STXBP5L: variants seen among roughly 807,000 people sequenced by gnomAD.
The protein encoded by STXBP5L is syntaxin binding protein 5L, also known as syntaxin-binding protein 5-like.
In STXBP5L, 65 loss-of-function variants were observed where a neutral mutation model predicts 144.5. The ratio of observed to expected loss-of-function variants is 0.45; its 90% CI spans 0.37 to 0.55. The LOEUF (loss-of-function observed/expected upper bound fraction) is 0.55. Among genes scored for constraint, STXBP5L ranks in the 20% least tolerant of loss-of-function variants. The pLI is 0.00. For missense variants in STXBP5L, 1,298 were observed against 1,405.5 expected (o/e 0.92, Z 1.22); for synonymous variants, 505 against 469.6 (o/e 1.08, Z -0.97).
chr3:121,412,967 A>G (rs2047152595), intron 23 of STXBP5L, among the ~76,000 whole-genome samples, 191 bp from the exon 24 acceptor site: 1 of 151,942 alleles, frequency 6.6e-6, no homozygotes, highest in Non-Finnish European at 1.5e-5. Context: ...CTGGAAGGCA[A>G]GATTGCAGTG....
At chr3:121,244,058 A>T (rs149435666) in intron 14 of STXBP5L, among the ~76,000 whole-genome samples, 82 of 152,198 alleles carry the variant, frequency 5.4e-4, no homozygotes, top group African/African-American at 1.9e-3. Flanking sequence ...TTTATTCTAA[A>T]TGGGAAAAGG....
intron 3 of STXBP5L, among the ~76,000 whole-genome samples, chr3:121,015,588 C>A (rs74697069): frequency 0.12 from 18,261 of 152,094 alleles, 1,152 homozygotes; most frequent in Non-Finnish European, 0.14. Context: ...TTCGGGAACC[C>A]CCAATACTTT....
chr3:121,172,830 G>C lies in STXBP5L; in HGVS notation c.877+15203G>C, dbSNP rs113305606. Among the ~76,000 whole-genome samples, 8 of 152,142 alleles carry C rather than the reference G, an allele frequency of 5.3e-5. No individual in the cohort carries two copies. In the East Asian group the frequency reaches 1.3e-3, roughly 26 times the overall value. ...TTTAACTCAGCTATCCCATTACTGG[G>C]TGTATACCCAAAGGATTTTAAATCA... On this transcript the variant is annotated intron_variant, in intron 9 of 26. Transcript: ENST00000471454.
intron 2 of STXBP5L, among the ~76,000 whole-genome samples, chr3:120,935,776 C>A (rs1036697110): frequency 1.3e-5 from 2 of 149,070 alleles, no homozygotes; most frequent in Non-Finnish European, 3.0e-5. Flanking sequence ...TTTAGTTTTT[C>A]TGCGTTTTTT....
chr3:121,245,906 A>G (rs2049835380), intron 14 of STXBP5L, among the ~76,000 whole-genome samples: 1 of 152,260 alleles, frequency 6.6e-6, no homozygotes. Context: ...AGAAGGAAAC[A>G]GGGTATTTGA....
At chr3:121,047,331 C>T (rs1166429695) in intron 5 of STXBP5L, among the ~76,000 whole-genome samples, 4 of 151,760 alleles carry the variant, frequency 2.6e-5, no homozygotes, top group Non-Finnish European at 5.9e-5. Flanking sequence ...TATTCTGTTC[C>T]TTTTGGGTAG....
chr3:120,983,514 G>A (rs747094011), intron 3 of STXBP5L, among the ~76,000 whole-genome samples: 1 of 152,160 alleles, frequency 6.6e-6, no homozygotes, highest in Non-Finnish European at 1.5e-5. Context: ...TCTGGGGGTT[G>A]GGCTCTCAGA....
intron 24 of STXBP5L, among the ~76,000 whole-genome samples, chr3:121,415,304 A>G (rs1382832504): frequency 6.6e-6 from 1 of 152,210 alleles, no homozygotes; most frequent in African/African-American, 2.4e-5. Context: ...TCTAACAAGC[A>G]TTTCTCTAGT....
At chr3:121,010,590 A>G (rs1944699428) in intron 3 of STXBP5L, among the ~76,000 whole-genome samples, 1 of 151,704 alleles carries the variant, frequency 6.6e-6, no homozygotes, top group Non-Finnish European at 1.5e-5. Context: ...CTGATCTGCC[A>G]CACCGTCAAA....
chr3:121,175,990 A>G lies in STXBP5L; in HGVS notation c.877+18363A>G, dbSNP rs187919987. On this transcript the variant is annotated intron_variant, in intron 9 of 26. Transcript: ENST00000471454. ...GGCATAACCCAATAATAAAATAATA[A>G]TAAAGGCATTTCTCAAGAAGACATA... Among the ~76,000 whole-genome samples the G allele has an allele frequency of 1.5e-3, 232 of 152,200 alleles. 4 individuals are homozygous for G. The highest frequency in any genetic ancestry group is 0.011 in the Admixed American group (173 of 15,274).
chr3:121,341,482 C>A (rs2044709675), intron 20 of STXBP5L, among the ~76,000 whole-genome samples: 1 of 151,986 alleles, frequency 6.6e-6, no homozygotes, highest in African/African-American at 2.4e-5. Context: ...ACTAAAAATG[C>A]AGCTACCATA....
intron 19 of STXBP5L, among the ~76,000 whole-genome samples, chr3:121,306,068 TTCCTGAGTGGA>T (rs1469466215): frequency 1.3e-5 from 2 of 152,210 alleles, no homozygotes. Context: ...CATAGACTTA[TTCCTGAGTGGA>T]AGAGCATAAT....
rs539190478 is a variant in STXBP5L, at chr3:121,054,351, A to T, written c.470+8816A>T. Among the ~76,000 whole-genome samples, 432 of 152,230 alleles carry T rather than the reference A, an allele frequency of 2.8e-3. 1 individual carries two copies. Among genetic ancestry groups the T allele is most frequent in the Non-Finnish European group, 4.5e-3 (308 of 68,000 alleles). Reference sequence around the variant, plus strand: ...GACTTGGAACCAACCCAAATGTCCAACAACGATAGACTGGATGAAGAAAAT... The same window carrying T: ...GACTTGGAACCAACCCAAATGTCCATCAACGATAGACTGGATGAAGAAAAT... On this transcript the variant is annotated intron_variant, in intron 5 of 26. Coordinates refer to ENST00000471454, the MANE Select transcript of STXBP5L (RefSeq NM_001308330.2).
At chr3:121,371,109 C>A (rs573113618) in intron 20 of STXBP5L, among the ~76,000 whole-genome samples, 2 of 152,274 alleles carry the variant, frequency 1.3e-5, no homozygotes, top group African/African-American at 4.8e-5. Flanking sequence ...GGAGTTCTTG[C>A]AGTAGTTCTT....
intron 3 of STXBP5L, among the ~76,000 whole-genome samples, chr3:121,021,372 G>A (rs547865462): frequency 2.6e-5 from 4 of 152,124 alleles, no homozygotes; most frequent in South Asian, 4.1e-4. Context: ...GTCGGAAAGT[G>A]AACAAAGAAA....
intron 3 of STXBP5L, among the ~76,000 whole-genome samples, chr3:120,978,144 C>A (rs1040942339): frequency 2.6e-5 from 4 of 152,164 alleles, no homozygotes; most frequent in African/African-American, 9.7e-5. Context: ...GAGTGTTTTC[C>A]AACTTGGTTC....
intron 3 of STXBP5L, among the ~76,000 whole-genome samples, chr3:120,972,340 C>T (rs868408440): frequency 2.0e-5 from 3 of 151,860 alleles, no homozygotes; most frequent in Non-Finnish European, 2.9e-5. Flanking sequence ...ATTGCAAATC[C>T]GATTGAATTC....
intron 3 of STXBP5L, among the ~76,000 whole-genome samples, chr3:121,036,497 G>A (rs144703006): frequency 6.0e-4 from 91 of 152,066 alleles, no homozygotes; most frequent in Non-Finnish European, 1.1e-3. Context: ...GCACTTGATA[G>A]TACTTCTAGT....
chr3:121,217,542 C>T (rs1387101470), intron 10 of STXBP5L, among the ~76,000 whole-genome samples: 1 of 152,144 alleles, frequency 6.6e-6, no homozygotes, highest in Non-Finnish European at 1.5e-5. Flanking sequence ...GTTCCATGAG[C>T]TGGGTACCTC....
Sources: gnomAD v4.1 joint callset for allele counts (sites outside exome capture counted in the v4.1 genomes callset) on GRCh38, gnomAD v4.1.1 for gene constraint, MANE v1.5 for transcripts, NCBI Gene and HGNC (gene_info 2026-07-23, HGNC 2026-07-21) for gene names.